The following CYBA variants were observed in gnomAD, a reference collection of about 807,000 sequenced individuals.
The protein encoded by CYBA is cytochrome b-245 alpha chain.
In CYBA, 21 loss-of-function variants were observed where a neutral mutation model predicts 20.8. The observed-to-expected ratio is 1.01, with a 90% CI of 0.72 to 1.46. The LOEUF (loss-of-function observed/expected upper bound fraction) is 1.46, where lower values mean the gene tolerates loss of function less well. Ranked by LOEUF, CYBA falls within the 40% of genes most tolerant of loss-of-function variation. CYBA has a pLI of 0.00. For missense variants in CYBA, 344 were observed against 287.0 expected, an observed-to-expected ratio of 1.20 and a Z score of -1.43; for synonymous variants, 164 against 127.5, an observed-to-expected ratio of 1.29 and a Z score of -1.93.
chr16:88,643,693 T>A lies in CYBA; in HGVS notation c.370-122A>T, dbSNP rs1907174956. ...GCTCAAGTCTGAATCCCACGCAGGA[T>A]GGTGTGACTGCCACTCAGAGAGGTT... On this transcript the variant is annotated intron_variant, in intron 5 of 5. Transcript: ENST00000261623. The surrounding 1 kb of genome is among the most constrained non-coding windows in gnomAD (Gnocchi z 4.3). The A allele has an allele frequency of 1.1e-6, 1 of 922,688 alleles. No homozygotes were observed. The highest frequency in any genetic ancestry group is 1.6e-6 in the Non-Finnish European group (1 of 608,996). The allele number at this position is 922,688 out of a possible 1,614,324, so 57.2% of individuals were successfully genotyped here.
chr16:88,645,456 A>G (rs1435444438), intron 5 of CYBA: 1 of 700,340 alleles, frequency 1.4e-6, no homozygotes, highest in Admixed American at 2.0e-5. Context: ...TTAAATAAGC[A>G]AAGTCTGAGG....
At chr16:88,644,384 C>T (rs188602702) in intron 5 of CYBA, among the ~76,000 whole-genome samples, 91 of 152,334 alleles carry the variant, frequency 6.0e-4, no homozygotes, top group Non-Finnish European at 8.1e-4. Flanking sequence ...AGCAGGTGAA[C>T]AGGGAAACCT....
chr16:88,643,293 G>C lies in CYBA; in HGVS notation c.*60C>G. ...CCCAGGCAGAGGCTCACGCGCTCCCGGCTTCGCTGCATTTATTGCAGGTGG... is the reference window on the plus strand; with the variant it reads ...CCCAGGCAGAGGCTCACGCGCTCCCCGCTTCGCTGCATTTATTGCAGGTGG... On this transcript the variant is annotated 3_prime_UTR_variant, in exon 6 of 6. Coordinates refer to ENST00000261623, the MANE Select transcript of CYBA (RefSeq NM_000101.4). This position sits in a 1 kb window ranked among gnomAD's most constrained non-coding sequence, Gnocchi z 4.3. 1 of 1,306,380 alleles carries C rather than the reference G, an allele frequency of 7.7e-7. No homozygotes were observed. Among genetic ancestry groups the C allele is most frequent in the Non-Finnish European group, 1.0e-6 (1 of 980,870 alleles). The allele number at this position is 1,306,380 out of a possible 1,614,324, so 80.9% of individuals were successfully genotyped here.
rs774275024 is a variant in CYBA, at chr16:88,646,798, GC to G, written c.243del (p.Phe83LeufsTer108). 6.2e-7 allele frequency: 1 copy of G among 1,613,938 alleles called. No individual in the cohort carries two copies. The highest frequency in any genetic ancestry group is 8.5e-7 in the Non-Finnish European group (1 of 1,179,978). On this transcript the variant is annotated frameshift_variant, in exon 4 of 6. Coordinates refer to ENST00000261623, the MANE Select transcript of CYBA (RefSeq NM_000101.4). LOFTEE classifies it high-confidence loss of function. ...KYMTAVVKLF[G>X]PFTRNYYVRA... ...CGAACATAGTAATTCCTGGTAAAGG[GC>G]CCGAACAGCTTCACCACGGCGGTCA...
chr16:88,645,954 C>T (rs1481534317), intron 5 of CYBA, 162 bp downstream of exon 5: 4 of 638,120 alleles, frequency 6.3e-6, no homozygotes, highest in African/African-American at 5.5e-5. Flanking sequence ...GCAGCAACCG[C>T]TGCGTCCCCG....
chr16:88,648,394 C>T (rs918386968), intron 1 of CYBA, among the ~76,000 whole-genome samples: 2 of 151,322 alleles, frequency 1.3e-5, no homozygotes, highest in African/African-American at 2.4e-5. Context: ...CCCCAGTGGG[C>T]TCTGGGACCC....
chr16:88,643,644 A>T lies in CYBA; in HGVS notation c.370-73T>A. Reference sequence around the variant, plus strand: ...TCCCTCCCTCCCTCCCCGGAGGCCCACCCCGCTAGGGGCCCTGGGACAGGC... The same window carrying T: ...TCCCTCCCTCCCTCCCCGGAGGCCCTCCCCGCTAGGGGCCCTGGGACAGGC... On this transcript the variant is annotated intron_variant, in intron 5 of 5. Coordinates refer to ENST00000261623, the MANE Select transcript of CYBA (RefSeq NM_000101.4). This position sits in a 1 kb window ranked among gnomAD's most constrained non-coding sequence, Gnocchi z 4.3. 1 of 1,043,592 alleles carries T rather than the reference A, an allele frequency of 9.6e-7. No individual in the cohort carries two copies. The highest frequency in any genetic ancestry group is 1.2e-6 in the Non-Finnish European group (1 of 830,642). 64.6% of individuals were successfully genotyped at this position (1,043,592 alleles called of 1,614,324 possible).
At chr16:88,646,915 C>A in intron 3 of CYBA, 77 bp from the exon 4 acceptor site, 1 of 1,276,256 alleles carries the variant, frequency 7.8e-7, no homozygotes, top group Admixed American at 1.7e-5. Flanking sequence ...TGCTGACCAC[C>A]CCAGGGCACC....
At chr16:88,648,297 C>G (rs1028755666) in intron 1 of CYBA, among the ~76,000 whole-genome samples, 183 bp from the exon 2 acceptor site, 1 of 152,208 alleles carries the variant, frequency 6.6e-6, no homozygotes, top group Non-Finnish European at 1.5e-5. Context: ...AAGAGCAGAG[C>G]CTGTGGCGCA....
intron 1 of CYBA, chr16:88,650,318 G>A (rs1048811861): frequency 2.2e-6 from 1 of 453,256 alleles, no homozygotes; most frequent in South Asian, 1.6e-5. Context: ...GGAGTCCGCT[G>A]CCCTCACCAG....
At chr16:88,650,930 C>G (rs369745353) in intron 1 of CYBA, 26 bp downstream of exon 1, 7 of 1,577,984 alleles carry the variant, frequency 4.4e-6, no homozygotes, top group Non-Finnish European at 6.0e-6. Context: ...AGGCTGCAGC[C>G]TCCACCGTCC....
chr16:88,646,867 C>T (rs370696420), intron 3 of CYBA, 29 bp from the exon 4 acceptor site: 100 of 1,576,770 alleles, frequency 6.3e-5, no homozygotes, highest in African/African-American at 2.3e-4. Flanking sequence ...CGAGACGGCG[C>T]GGCTGGGCCT....
intron 3 of CYBA, 106 bp downstream of exon 3, chr16:88,646,995 G>T (rs1907311268): frequency 8.1e-7 from 1 of 1,238,268 alleles, no homozygotes; most frequent in Admixed American, 1.9e-5. Context: ...GCACCAAAGG[G>T]TTGGTTCCGG....
At chr16:88,650,235 G>A (rs1280669642) in intron 1 of CYBA, 5 of 385,904 alleles carry the variant, frequency 1.3e-5, no homozygotes, top group Non-Finnish European at 2.1e-5. Flanking sequence ...CTCAGACCTC[G>A]CCTGAGCCCA....
intron 4 of CYBA, chr16:88,646,496 G>A (rs1907287628): frequency 1.4e-6 from 1 of 697,986 alleles, no homozygotes. Flanking sequence ...GCCCAGGCAA[G>A]ACCCCCCAGC....
At chr16:88,644,977 G>C (rs1907221783) in intron 5 of CYBA, 1 of 598,572 alleles carries the variant, frequency 1.7e-6, no homozygotes, top group African/African-American at 1.9e-5. Flanking sequence ...AGCTCGTGCT[G>C]TGAAACTGGC....
chr16:88,645,887 G>A, intron 5 of CYBA: 1 of 591,552 alleles, frequency 1.7e-6, no homozygotes, highest in South Asian at 2.0e-5. Context: ...CTGTGGTGCG[G>A]GTTAATGAGG....
intron 1 of CYBA, 73 bp from the exon 2 acceptor site, chr16:88,648,187 A>C: frequency 2.1e-6 from 3 of 1,441,120 alleles, no homozygotes; most frequent in Non-Finnish European, 2.9e-6. Context: ...TTCTCTACCT[A>C]CTGTGGGCCA....
intron 3 of CYBA, 69 bp from the exon 4 acceptor site, chr16:88,646,907 C>T: frequency 7.3e-7 from 1 of 1,365,522 alleles, no homozygotes; most frequent in Non-Finnish European, 1.0e-6. Context: ...TGCTGCCCTG[C>T]TGACCACCCC....
Sources: allele counts gnomAD v4.1 joint callset (sites outside exome capture counted in the v4.1 genomes callset), GRCh38; gene constraint gnomAD v4.1.1; non-coding constraint Gnocchi (gnomAD v3.1); transcripts MANE v1.5; gene names NCBI Gene and HGNC (gene_info 2026-07-23, HGNC 2026-07-21).